Variants in PPP1R14D observed in about 807,000 individuals in gnomAD.
PPP1R14D encodes the protein protein phosphatase 1 regulatory subunit 14D.
In PPP1R14D, 14 loss-of-function variants were observed where a neutral mutation model predicts 17.1. The observed-to-expected ratio is 0.82, with a 90% CI of 0.54 to 1.28. The LOEUF (loss-of-function observed/expected upper bound fraction) is 1.28, where lower values mean the gene tolerates loss of function less well. Ranked by LOEUF, PPP1R14D falls within the 50% of genes most tolerant of loss-of-function variation. The pLI, the probability that PPP1R14D is intolerant of heterozygous loss-of-function variation, is 0.00. For missense variants in PPP1R14D, 173 were observed against 179.2 expected (o/e 0.97, Z 0.20); for synonymous variants, 67 against 66.1 (o/e 1.01, Z -0.06).
intron 1 of PPP1R14D, among the ~76,000 whole-genome samples, chr15:40,821,827 C>T (rs1890783031): frequency 6.6e-6 from 1 of 152,154 alleles, no homozygotes; most frequent in African/African-American, 2.4e-5. Context: ...ACTGGGGAGG[C>T]TGAGGCAGGA....
intron 1 of PPP1R14D, among the ~76,000 whole-genome samples, chr15:40,827,171 A>G (rs1041046411): frequency 1.3e-5 from 2 of 152,224 alleles, no homozygotes; most frequent in African/African-American, 4.8e-5. Context: ...TGTGCTGACA[A>G]CATAGTAGTC....
intron 1 of PPP1R14D, among the ~76,000 whole-genome samples, chr15:40,824,889 CG>C (rs1890844587): frequency 6.6e-6 from 1 of 151,972 alleles, no homozygotes; most frequent in Non-Finnish European, 1.5e-5. Flanking sequence ...AAACAGAAGC[CG>C]GATTCCAGTG....
At chr15:40,815,906 C>G in intron 3 of PPP1R14D, 56 bp downstream of exon 3, 1 of 1,602,382 alleles carries the variant, frequency 6.2e-7, no homozygotes, top group Non-Finnish European at 8.5e-7. Context: ...TCCTCATTAG[C>G]TACCTCCCCC....
intron 1 of PPP1R14D, among the ~76,000 whole-genome samples, chr15:40,821,987 A>G (rs568399071): frequency 6.6e-4 from 100 of 151,748 alleles, no homozygotes; most frequent in African/African-American, 2.2e-3. Flanking sequence ...TTAAAAAAGT[A>G]TCAGTCTTGG....
intron 1 of PPP1R14D, among the ~76,000 whole-genome samples, chr15:40,823,297 G>T (rs1890814529): frequency 1.3e-5 from 2 of 151,292 alleles, no homozygotes; most frequent in African/African-American, 4.9e-5. Flanking sequence ...TTTGTTGAGT[G>T]GGGTCCCACT....
At chr15:40,818,298 A>AC (rs1473917974) in intron 1 of PPP1R14D, among the ~76,000 whole-genome samples, 1 of 151,220 alleles carries the variant, frequency 6.6e-6, no homozygotes, top group East Asian at 1.9e-4. Context: ...CAAAAAAAAA[A>AC]AAAAAAAAAA....
intron 1 of PPP1R14D, among the ~76,000 whole-genome samples, chr15:40,819,479 G>A (rs985808605): frequency 6.6e-6 from 1 of 151,074 alleles, no homozygotes; most frequent in African/African-American, 2.4e-5. Context: ...AACTCGGGAA[G>A]TGAGCCAATA....
intron 1 of PPP1R14D, among the ~76,000 whole-genome samples, chr15:40,822,654 T>C (rs767405718): frequency 2.0e-5 from 3 of 152,074 alleles, no homozygotes; most frequent in African/African-American, 7.2e-5. Flanking sequence ...GGTTTTGCCA[T>C]GTTGGTGAGG....
intron 1 of PPP1R14D, among the ~76,000 whole-genome samples, chr15:40,818,385 C>A (rs2141985570): frequency 6.6e-6 from 1 of 150,768 alleles, no homozygotes; most frequent in Admixed American, 6.6e-5. Flanking sequence ...CTAAGATAGT[C>A]TTCAGTAGGT....
chr15:40,821,096 G>A (rs615941), intron 1 of PPP1R14D, among the ~76,000 whole-genome samples: 9 of 151,782 alleles, frequency 5.9e-5, no homozygotes, highest in Non-Finnish European at 8.8e-5. Context: ...CTAGCACTTC[G>A]GAGGCCGAGG....
At chr15:40,825,675 G>A (rs1231025974) in intron 1 of PPP1R14D, among the ~76,000 whole-genome samples, 2 of 152,264 alleles carry the variant, frequency 1.3e-5, no homozygotes, top group Non-Finnish European at 2.9e-5. Context: ...ATGGAGCAGA[G>A]TAAGGCTGGA....
In PPP1R14D at chr15:40,815,938, G is replaced by C; in HGVS notation, c.372+24C>G. ...CCCCATTGGGCCTCCTCTTACCCCA[G>C]ACCAGCAGAAGAACATCCCTTACCT... On this transcript the variant is annotated intron_variant, in intron 3 of 3. Transcript: ENST00000299174. 1.9e-6 allele frequency: 3 copies of C among 1,613,536 alleles called. No individual in the cohort carries two copies. In the South Asian group the frequency reaches 3.3e-5, roughly 18 times the overall value.
chr15:40,820,696 C>T (rs1357065180), intron 1 of PPP1R14D, among the ~76,000 whole-genome samples: 1 of 148,240 alleles, frequency 6.7e-6, no homozygotes, highest in Non-Finnish European at 1.5e-5. Context: ...CCCGTCTCTA[C>T]TAAAAATACA....
chr15:40,815,992 G>A lies in PPP1R14D; in HGVS notation c.342C>T (p.Ala114=), dbSNP rs1890653773. ...STEEQKTQLE[A]ILGNCPRPTE... ...TGGGGCGGGGGCAGTTCCCAAGAAT[G>A]GCCTAGATAGGAGAGAACACAGACA... The change falls in exon 3 of 4, where the codon GCC becomes GCT. Residue 114 remains alanine (A), a splice_region_variant and synonymous_variant. Transcript: ENST00000299174. 6.2e-6 allele frequency: 10 copies of A among 1,614,068 alleles called. No homozygotes were observed. The highest frequency in any genetic ancestry group is 8.5e-6 in the Non-Finnish European group (10 of 1,180,010).
chr15:40,826,894 G>A (rs186111776), intron 1 of PPP1R14D, among the ~76,000 whole-genome samples: 6 of 152,340 alleles, frequency 3.9e-5, no homozygotes, highest in South Asian at 2.1e-4. Flanking sequence ...AGCCTAGCAC[G>A]TAGTTGTGTT....
In PPP1R14D at chr15:40,815,624, C is replaced by G. The variant is rs779347301; in HGVS notation, c.*72G>C. The G allele has an allele frequency of 4.5e-6, 7 of 1,554,724 alleles. No individual in the cohort carries two copies. Among genetic ancestry groups the G allele is most frequent in the Non-Finnish European group, 6.1e-6 (7 of 1,141,416 alleles). On this transcript the variant is annotated 3_prime_UTR_variant, in exon 4 of 4. Transcript: ENST00000299174. ...TGTTTGTGTCCCAAGGAGCTATTTC[C>G]CTCTTAGCCAGGATCTGGAGTTTCA...
At chr15:40,823,433 T>A (rs1003232434) in intron 1 of PPP1R14D, among the ~76,000 whole-genome samples, 2 of 152,122 alleles carry the variant, frequency 1.3e-5, no homozygotes, top group African/African-American at 4.8e-5. Context: ...GTGCAGCCTA[T>A]GTGTACAGTG....
chr15:40,819,926 G>T (rs1280281313), intron 1 of PPP1R14D, among the ~76,000 whole-genome samples: 1 of 151,592 alleles, frequency 6.6e-6, no homozygotes, highest in Non-Finnish European at 1.5e-5. Context: ...GAGTGCAATG[G>T]CATGATCTCG....
intron 1 of PPP1R14D, among the ~76,000 whole-genome samples, chr15:40,827,696 A>G (rs1446894401): frequency 6.6e-6 from 1 of 152,128 alleles, no homozygotes; most frequent in South Asian, 2.1e-4. Flanking sequence ...CGAGGCAGGC[A>G]GACTGTTTGA....
Sources: allele counts gnomAD v4.1 joint callset (sites outside exome capture counted in the v4.1 genomes callset), GRCh38; gene constraint gnomAD v4.1.1; transcripts MANE v1.5; gene names NCBI Gene and HGNC (gene_info 2026-07-23, HGNC 2026-07-21).